CFAP43: variants seen among roughly 807,000 people sequenced by gnomAD.
CFAP43 encodes the protein cilia and flagella associated protein 43.
Under a neutral mutation model 218.9 loss-of-function variants are expected in CFAP43, and 155 were observed. The observed-to-expected ratio is 0.71, with a 90% CI of 0.62 to 0.81. The LOEUF is 0.81. Ranked by LOEUF, CFAP43 falls within the 30% of genes least tolerant of loss-of-function variation. CFAP43 has a pLI of 0.00. For missense variants in CFAP43, 1,778 were observed against 1,954.3 expected (o/e 0.91, Z 1.70); for synonymous variants, 645 against 681.3 (o/e 0.95, Z 0.83).
chr10:104,197,178 C>T (rs1016325568), intron 9 of CFAP43, among the ~76,000 whole-genome samples: 36 of 152,228 alleles, frequency 2.4e-4, no homozygotes, highest in African/African-American at 8.2e-4. Context: ...AAAGATTTTT[C>T]ATGTAACATA....
In CFAP43 at chr10:104,232,176, C is replaced by A; in HGVS notation, c.65+6G>T. 1 of 1,608,416 alleles carries A rather than the reference C, an allele frequency of 6.2e-7. No homozygotes were observed. The highest frequency in any genetic ancestry group is 8.5e-7 in the Non-Finnish European group (1 of 1,177,974). ...CAGATCGGTCGCGGGGCCGTGAACA[C>A]CGCACCTCACGGACAAGGACGCGCC... On this transcript the variant is annotated splice_donor_region_variant and intron_variant, in intron 1 of 37. Transcript: ENST00000357060.
intron 3 of CFAP43, among the ~76,000 whole-genome samples, chr10:104,217,164 C>T (rs1218233351): frequency 6.6e-6 from 1 of 152,180 alleles, no homozygotes; most frequent in Non-Finnish European, 1.5e-5. Flanking sequence ...AGTAACAGAA[C>T]CCCCTGAATA....
At position 104,172,561 on chromosome 10, in the gene CFAP43, C is replaced by T. The variant is rs558015658; in HGVS notation, c.2461-26G>A. ...CTGAATGTTGAAATAAAAAAGAGTG[C>T]TGACAAGTAAAGAATTAAACTGTAA... On this transcript the variant is annotated intron_variant, in intron 19 of 37. Coordinates refer to ENST00000357060, the MANE Select transcript of CFAP43 (RefSeq NM_025145.7). 78 of 1,559,610 alleles carry T rather than the reference C, an allele frequency of 5.0e-5. 1 individual carries two copies. The South Asian group carries it at 9.3e-4, about 19-fold the overall frequency.
chr10:104,205,177 T>C (rs1435324174), intron 7 of CFAP43, among the ~76,000 whole-genome samples: 37 of 123,568 alleles, frequency 3.0e-4, no homozygotes, highest in African/African-American at 1.1e-3. Context: ...CGCGCCACTG[T>C]ACTCCAGCCT....
At position 104,147,940 on chromosome 10, in the gene CFAP43, G is replaced by C. The variant is rs773389340; in HGVS notation, c.3719C>G (p.Ser1240Cys). ...GTAGTTGTTCAGGAATTTTTCTCTA[G>C]AGCTTAATTCTTCATCCAACAATAA... ...FSLLLDEELSSREKFLNNYLT... is the reference protein window; with the variant it reads ...FSLLLDEELSCREKFLNNYLT... Residue 1240 changes from serine to cysteine, a missense_variant, in exon 29 of 38, where the codon TCT (serine) becomes TGT (cysteine). By Grantham distance (112) the Ser-to-Cys change is moderately radical. Around this residue, in one of 3 missense-constraint regions of CFAP43, gnomAD observed 1,553 missense variants for 1,685.2 expected, o/e 0.92. Transcript: ENST00000357060. The C allele has an allele frequency of 6.2e-7, 1 of 1,602,130 alleles. No homozygotes were observed. The highest frequency in any genetic ancestry group is 1.1e-5 in the South Asian group (1 of 89,204).
At chr10:104,218,539 G>A (rs1036362579) in intron 3 of CFAP43, among the ~76,000 whole-genome samples, 2 of 151,954 alleles carry the variant, frequency 1.3e-5, no homozygotes, top group African/African-American at 4.8e-5. Context: ...GGGGAGAGGG[G>A]AAGAGTGGGC....
At position 104,132,150 on chromosome 10, in the gene CFAP43, C is replaced by A; in HGVS notation, c.4643G>T (p.Gly1548Val). ...NYEALISIQI[G>V]IMEQTIAVLD... ...AACAGCAATGGTTTGTTCCATTATTCCAATCTGAATACTAATCAGAGCCTC... is the reference window on the plus strand; with the variant it reads ...AACAGCAATGGTTTGTTCCATTATTACAATCTGAATACTAATCAGAGCCTC... The change falls in exon 36 of 38, where the codon GGA becomes GTA. Residue 1548 changes from glycine (G) to valine (V), a missense_variant. Coordinates refer to ENST00000357060, the MANE Select transcript of CFAP43 (RefSeq NM_025145.7). The A allele has an allele frequency of 1.2e-6, 2 of 1,605,168 alleles. No individual in the cohort carries two copies. The highest frequency in any genetic ancestry group is 2.2e-5 in the East Asian group (1 of 44,598).
intron 6 of CFAP43, among the ~76,000 whole-genome samples, chr10:104,206,395 G>A (rs561553464): frequency 8.5e-5 from 13 of 152,318 alleles, no homozygotes; most frequent in African/African-American, 2.6e-4. Context: ...GACAGTAAGT[G>A]CCAAGGGAAT....
At chr10:104,185,951 T>A (rs575074827) in intron 15 of CFAP43, 23 bp downstream of exon 15, 2 of 1,603,488 alleles carry the variant, frequency 1.2e-6, no homozygotes, top group East Asian at 2.2e-5. Flanking sequence ...CCCACAATAT[T>A]TTTTTTTAAG....
intron 27 of CFAP43, among the ~76,000 whole-genome samples, chr10:104,158,266 C>A (rs888215250): frequency 2.0e-5 from 3 of 152,116 alleles, no homozygotes; most frequent in Admixed American, 1.3e-4. Context: ...CAAAATGTCA[C>A]CCCCACAGGT....
intron 2 of CFAP43, among the ~76,000 whole-genome samples, chr10:104,228,716 T>C (rs2091368876): frequency 6.6e-6 from 1 of 152,014 alleles, no homozygotes; most frequent in Non-Finnish European, 1.5e-5. Context: ...TCACTCACAC[T>C]TTTTTTTGAA....
At chr10:104,222,994 G>C (rs1392238185) in intron 3 of CFAP43, among the ~76,000 whole-genome samples, 1 of 152,154 alleles carries the variant, frequency 6.6e-6, no homozygotes, top group Non-Finnish European at 1.5e-5. Flanking sequence ...GACCATATAT[G>C]GGCTCTATTA....
intron 34 of CFAP43, 143 bp downstream of exon 34, chr10:104,140,699 G>T: frequency 1.6e-6 from 1 of 607,964 alleles, no homozygotes; most frequent in Non-Finnish European, 2.7e-6. Context: ...TGTACTCCCA[G>T]CTACTTGGGA....
chr10:104,199,865 A>C (rs2090480242), intron 8 of CFAP43, among the ~76,000 whole-genome samples: 1 of 152,192 alleles, frequency 6.6e-6, no homozygotes, highest in Non-Finnish European at 1.5e-5. Flanking sequence ...AGTTTTGCCT[A>C]GGCCTTTCCT....
intron 28 of CFAP43, among the ~76,000 whole-genome samples, chr10:104,152,159 AG>A (rs1256243042): frequency 2.0e-5 from 3 of 152,240 alleles, no homozygotes; most frequent in Non-Finnish European, 4.4e-5. Context: ...GGGATGAACA[AG>A]ACAGACTTAG....
Position 104,152,725 on chromosome 10 carries a change from G to T in CFAP43, c.3542C>A (p.Ser1181Ter), listed in dbSNP as rs745993405. Reference sequence around the variant, plus strand: ...AAGTTTCTTCAGTTCTGCTTCTAATGACTAAAAGGAAAACAATAGTAAAGT... The same window carrying T: ...AAGTTTCTTCAGTTCTGCTTCTAATTACTAAAAGGAAAACAATAGTAAAGT... ...LNEERDKYRK[S>*]LEAELKKLQN... Residue 1181 changes from serine (S) to a stop codon, truncating the protein, a stop_gained and splice_region_variant, in exon 28 of 38, where the codon TCA (serine) becomes TAA (stop). Coordinates refer to ENST00000357060, the MANE Select transcript of CFAP43 (RefSeq NM_025145.7). LOFTEE classifies it high-confidence loss of function. The T allele has an allele frequency of 1.9e-6, 3 of 1,605,688 alleles. No homozygotes were observed. The highest frequency in any genetic ancestry group is 1.1e-5 in the South Asian group (1 of 89,256).
At chr10:104,145,594 C>CAA in intron 30 of CFAP43, 30 bp from the exon 31 acceptor site, 1 of 1,491,900 alleles carries the variant, frequency 6.7e-7, no homozygotes, top group Non-Finnish European at 9.2e-7. Flanking sequence ...TTGAGGACTG[C>CAA]AACTTGGTTT....
Position 104,143,617 on chromosome 10 carries a change from A to T in CFAP43, c.3967T>A (p.Ser1323Thr). Residue 1323 changes from serine (S) to threonine (T), a missense_variant, in exon 32 of 38, where the codon TCA becomes ACA. Transcript: ENST00000357060. ...RPRISKQKTH[S>T]ETTSVVPFGE... is the part of the protein sequence containing the mutation. ...AAAGGGACAACGCTGGTTGTTTCTGAGTGCGTTTTCTGTTTGGAAATCCTG... is the reference window on the plus strand; with the variant it reads ...AAAGGGACAACGCTGGTTGTTTCTGTGTGCGTTTTCTGTTTGGAAATCCTG... 1 of 1,614,180 alleles carries T rather than the reference A, an allele frequency of 6.2e-7. No individual in the cohort carries two copies. Among genetic ancestry groups the T allele is most frequent in the Non-Finnish European group, 8.5e-7 (1 of 1,180,034 alleles).
intron 6 of CFAP43, among the ~76,000 whole-genome samples, chr10:104,206,902 G>T (rs1251928112): frequency 2.0e-5 from 3 of 152,124 alleles, no homozygotes; most frequent in Non-Finnish European, 4.4e-5. Context: ...GGCAGGGTGT[G>T]GTGGCTCCTG....
Sources: allele counts gnomAD v4.1 joint callset (sites outside exome capture counted in the v4.1 genomes callset), GRCh38; gene constraint gnomAD v4.1.1; regional missense constraint gnomAD v4.1.1; transcripts MANE v1.5; gene names NCBI Gene and HGNC (gene_info 2026-07-23, HGNC 2026-07-21).